CMSS1: variants seen among roughly 807,000 people sequenced by gnomAD.
CMSS1 encodes the protein protein CMSS1.
In CMSS1, 33 loss-of-function variants were observed where a neutral mutation model predicts 43.5. The observed-to-expected ratio is 0.76, with a 90% confidence interval of 0.57 to 1.01. The LOEUF is 1.01. CMSS1 is among the 50% of genes least tolerant of loss of function. The pLI, the probability that CMSS1 is intolerant of heterozygous loss-of-function variation, is 0.00. For missense variants in CMSS1, 313 were observed against 326.4 expected (o/e 0.96, Z 0.32); for synonymous variants, 115 against 117.2 (o/e 0.98, Z 0.12).
intron 1 of CMSS1, among the ~76,000 whole-genome samples, chr3:100,123,946 T>C (rs1043529397): frequency 6.6e-6 from 1 of 152,240 alleles, no homozygotes; most frequent in Non-Finnish European, 1.5e-5. Context: ...CTTGGATTTC[T>C]AGTGGTCTGG....
At chr3:100,167,680 G>T in intron 5 of CMSS1, 58 bp from the exon 6 acceptor site, 1 of 1,021,350 alleles carries the variant, frequency 9.8e-7, no homozygotes, top group South Asian at 1.4e-5. Flanking sequence ...TGCTCAACTT[G>T]GGAGGTGTGC....
At chr3:99,883,943 A>G (rs1705812423) in intron 1 of CMSS1, among the ~76,000 whole-genome samples, 1 of 152,126 alleles carries the variant, frequency 6.6e-6, no homozygotes, top group Non-Finnish European at 1.5e-5. Flanking sequence ...GGAAAATCAC[A>G]CTCAGTGTTT....
At chr3:99,929,633 G>C (rs1030434884) in intron 1 of CMSS1, among the ~76,000 whole-genome samples, 14 of 152,044 alleles carry the variant, frequency 9.2e-5, no homozygotes, top group African/African-American at 3.4e-4. Flanking sequence ...GCATTTGGTA[G>C]ATTTTGGTTG....
chr3:99,975,723 A>G (rs1708950175), intron 1 of CMSS1, among the ~76,000 whole-genome samples: 1 of 152,230 alleles, frequency 6.6e-6, no homozygotes, highest in South Asian at 2.1e-4. Context: ...CATCTCAGCA[A>G]AGTCCTGAGT....
rs569315688 is a variant in CMSS1, at chr3:99,993,144, C to CT, written c.65-153822dup. On this transcript the variant is annotated intron_variant, in intron 1 of 9. Transcript: ENST00000421999. Reference sequence around the variant, plus strand: ...CTTAGGATTTCTTTGGCTATTTGAGCTTTTTTTGGGTTTCATATGAGTTTT... The same window carrying CT: ...CTTAGGATTTCTTTGGCTATTTGAGCTTTTTTTTGGGTTTCATATGAGTTTT... 3.2e-4 allele frequency among the ~76,000 whole-genome samples: 48 copies of CT among 151,908 alleles called. No individual in the cohort carries two copies. The East Asian group carries it at 8.7e-3, about 27-fold the overall frequency.
At chr3:99,990,019 A>G (rs1709465964) in intron 1 of CMSS1, among the ~76,000 whole-genome samples, 1 of 152,196 alleles carries the variant, frequency 6.6e-6, no homozygotes, top group Non-Finnish European at 1.5e-5. Flanking sequence ...ATTAAGAAGT[A>G]TGAGTCTTTA....
At chr3:100,144,596 G>A (rs2066832327) in intron 1 of CMSS1, among the ~76,000 whole-genome samples, 1 of 152,194 alleles carries the variant, frequency 6.6e-6, no homozygotes, top group South Asian at 2.1e-4. Flanking sequence ...CCCTGTCAAG[G>A]GTGGAAGTCT....
chr3:99,820,626 T>C lies in CMSS1; in HGVS notation c.64+2583T>C, dbSNP rs548699291. ...GATTATTCACTGGCAATTTGCCTAA[T>C]TGTAATCTGTACAGCGTTTCTAATT... is the stretch of plus-strand genomic sequence containing the variant. On this transcript the variant is annotated intron_variant, in intron 1 of 9. Transcript: ENST00000421999. 5.9e-5 allele frequency among the ~76,000 whole-genome samples: 9 copies of C among 152,378 alleles called. No homozygotes were observed. In the East Asian group the frequency reaches 1.7e-3, roughly 29 times the overall value.
chr3:100,042,889 G>A lies in CMSS1; in HGVS notation c.65-104084G>A, dbSNP rs116143359. 6.0e-3 allele frequency among the ~76,000 whole-genome samples: 919 copies of A among 152,340 alleles called. 10 individuals carry two copies. The highest frequency in any genetic ancestry group is 0.027 in the Middle Eastern group (8 of 294). On this transcript the variant is annotated intron_variant, in intron 1 of 9. Transcript: ENST00000421999. ...GAGAGGAATAGAGCCAAAGTTCCCA[G>A]ACCTTGACAACTAGGGCAAATGTAA...
chr3:99,984,272 T>G (rs1709266923), intron 1 of CMSS1, among the ~76,000 whole-genome samples: 1 of 152,146 alleles, frequency 6.6e-6, no homozygotes, highest in Non-Finnish European at 1.5e-5. Flanking sequence ...ATGTAGAGTG[T>G]CCTGTCAAAC....
At chr3:100,147,260 T>G (rs1320597215) in intron 2 of CMSS1, among the ~76,000 whole-genome samples, 199 bp downstream of exon 2, 3 of 143,944 alleles carry the variant, frequency 2.1e-5, no homozygotes, top group Non-Finnish European at 4.5e-5. Flanking sequence ...GCCCTAATTC[T>G]TTTTCTTTTT....
Position 99,817,994 on chromosome 3 carries a change from C to T in CMSS1, c.15C>T (p.Leu5=). MADD[L]GDEWWENQPT... is the part of the protein sequence containing the mutation. ...CCTGAGCTGAAATGGCAGACGATCT[C>T]GGAGACGAGTGGTGGGAGAACCAGC... The change falls in exon 1 of 10, where the codon CTC becomes CTT. Residue 5 remains leucine, a synonymous_variant. Transcript: ENST00000421999. The T allele has an allele frequency of 2.5e-6, 4 of 1,614,056 alleles. No individual in the cohort carries two copies. Among genetic ancestry groups the T allele is most frequent in the South Asian group, 1.1e-5 (1 of 91,086 alleles).
At chr3:99,927,878 C>T (rs913968388) in intron 1 of CMSS1, among the ~76,000 whole-genome samples, 1 of 152,126 alleles carries the variant, frequency 6.6e-6, no homozygotes, top group African/African-American at 2.4e-5. Flanking sequence ...CACAGGCTTC[C>T]ACCAGTTTTT....
Position 99,957,693 on chromosome 3 carries a change from C to CTTTTTTTTTTTTTTTTTTTTTTT in CMSS1, c.64+139656_64+139678dup, listed in dbSNP as rs779350496. Among the ~76,000 whole-genome samples the CTTTTTTTTTTTTTTTTTTTTTTT allele has an allele frequency of 4.0e-3, 80 of 19,900 alleles. 23 individuals carry two copies. Among genetic ancestry groups the CTTTTTTTTTTTTTTTTTTTTTTT allele is most frequent in the African/African-American group, 4.9e-3 (29 of 5,976 alleles). 13.1% of individuals were successfully genotyped at this position (19,900 alleles called of 152,430 possible). On this transcript the variant is annotated intron_variant, in intron 1 of 9. Transcript: ENST00000421999. ...TTCTCCTTTTCTCTTTTCTTTCTTT[C>CTTTTTTTTTTTTTTTTTTTTTTT]TTTTTTTTTTTTTTTTTTTTTTTTT... is the stretch of plus-strand genomic sequence containing the variant.
intron 1 of CMSS1, among the ~76,000 whole-genome samples, chr3:99,928,807 A>C (rs1707379388): frequency 1.3e-5 from 2 of 152,220 alleles, no homozygotes; most frequent in African/African-American, 2.4e-5. Context: ...CAGTTTTAAC[A>C]GTATTCACTT....
chr3:100,130,505 A>T (rs2066697697), intron 1 of CMSS1, among the ~76,000 whole-genome samples: 1 of 152,214 alleles, frequency 6.6e-6, no homozygotes, highest in Non-Finnish European at 1.5e-5. Context: ...CCTCCAGAAC[A>T]TACAAGGATG....
At chr3:100,034,510 G>A (rs531165304) in intron 1 of CMSS1, among the ~76,000 whole-genome samples, 2 of 152,134 alleles carry the variant, frequency 1.3e-5, no homozygotes, top group African/African-American at 2.4e-5. Context: ...TAATCCAAAA[G>A]GTTCTTTGTG....
chr3:99,836,338 A>G (rs1942894291), intron 1 of CMSS1, among the ~76,000 whole-genome samples: 3 of 152,192 alleles, frequency 2.0e-5, no homozygotes, highest in Admixed American at 2.0e-4. Flanking sequence ...GTGATGGACC[A>G]TCAATAGAGG....
At chr3:100,088,999 G>A (rs577210551) in intron 1 of CMSS1, among the ~76,000 whole-genome samples, 7 of 152,290 alleles carry the variant, frequency 4.6e-5, no homozygotes, top group Admixed American at 3.3e-4. Flanking sequence ...ACACTCTCCA[G>A]AGAGAAAGTA....
Sources: gnomAD v4.1 joint callset for allele counts (sites outside exome capture counted in the v4.1 genomes callset) on GRCh38, gnomAD v4.1.1 for gene constraint, MANE v1.5 for transcripts, NCBI Gene and HGNC (gene_info 2026-07-23, HGNC 2026-07-21) for gene names.